DSCAM: variants seen among roughly 807,000 people sequenced by gnomAD.
The protein encoded by DSCAM is cell adhesion molecule DSCAM.
A neutral mutation model predicts 217.7 loss-of-function variants in DSCAM; 47 were observed. The observed-to-expected ratio is 0.22, with a 90% CI of 0.17 to 0.28. The LOEUF is 0.28. Among genes scored for constraint, DSCAM ranks in the 10% least tolerant of loss-of-function variants. The pLI, the probability that DSCAM is intolerant of heterozygous loss-of-function variation, is 1.00. For synonymous variants in DSCAM, 1,056 were observed against 1,015.3 expected, an observed-to-expected ratio of 1.04 and a Z score of -0.76; for missense variants, 2,080 against 2,618.3, an observed-to-expected ratio of 0.79 and a Z score of 4.49.
Position 40,107,611 on chromosome 21 carries a change from T to A in DSCAM, c.3697-13737A>T, listed in dbSNP as rs149414660. 7.8e-4 allele frequency among the ~76,000 whole-genome samples: 119 copies of A among 152,288 alleles called. 2 individuals carry two copies. The East Asian group carries it at 0.02, about 25-fold the overall frequency. On this transcript the variant is annotated intron_variant, in intron 20 of 32. Transcript: ENST00000400454. ...ATATTGTCAGTGGGGTGTTAAAGTC[T>A]CCCACTGTTATTGGGTGGGAGTCTA... is the stretch of plus-strand genomic sequence containing the variant.
intron 16 of DSCAM, among the ~76,000 whole-genome samples, chr21:40,159,620 C>T (rs1393164962): frequency 6.6e-6 from 1 of 152,162 alleles, no homozygotes; most frequent in Non-Finnish European, 1.5e-5. Context: ...CTTGCTCTGC[C>T]ACTCAGGCTA....
Position 40,044,112 on chromosome 21 carries a change from GCT to G in DSCAM, c.5347_5348del (p.Ser1783ArgfsTer70), listed in dbSNP as rs2088803836. 1 of 1,613,882 alleles carries G rather than the reference GCT, an allele frequency of 6.2e-7. No homozygotes were observed. Among genetic ancestry groups the G allele is most frequent in the Non-Finnish European group, 8.5e-7 (1 of 1,180,046 alleles). The part of the protein sequence containing the change: ...PRAAGSVDKE[S>X]DSYSVSPSQD... ...GCGAGGGGCTGACGCTGTAACTGTC[GCT>G]CTCTTTGTCTACTGATCCTGCAGCC... On this transcript the variant is annotated frameshift_variant, in exon 31 of 33. Transcript: ENST00000400454. LOFTEE classifies it high-confidence loss of function.
intron 15 of DSCAM, among the ~76,000 whole-genome samples, chr21:40,170,300 T>C (rs908047833): frequency 2.6e-5 from 4 of 152,218 alleles, no homozygotes; most frequent in African/African-American, 9.7e-5. Flanking sequence ...TGTCTTTGCA[T>C]GTCTCTGGTC....
chr21:40,406,733 G>A (rs992347887), intron 3 of DSCAM, among the ~76,000 whole-genome samples: 1 of 152,064 alleles, frequency 6.6e-6, no homozygotes, highest in African/African-American at 2.4e-5. Context: ...TGAGACTATA[G>A]GTGTGTGCCA....
At chr21:40,305,958 G>GT (rs1391920687) in intron 9 of DSCAM, among the ~76,000 whole-genome samples, 1 of 152,104 alleles carries the variant, frequency 6.6e-6, no homozygotes, top group Non-Finnish European at 1.5e-5. Flanking sequence ...CTTTAAAGTA[G>GT]TTTTTTCCAA....
intron 3 of DSCAM, among the ~76,000 whole-genome samples, chr21:40,550,107 T>C (rs1431059037): frequency 1.3e-5 from 2 of 151,870 alleles, no homozygotes; most frequent in Admixed American, 6.6e-5. Context: ...CAGCTAGTCA[T>C]TGGTATCTGG....
rs566096172 is a variant in DSCAM at position 40,193,996 on chromosome 21, T to A, written c.2357-4758A>T. On this transcript the variant is annotated intron_variant, in intron 11 of 32. Coordinates refer to ENST00000400454, the MANE Select transcript of DSCAM (RefSeq NM_001389.5). ...CTGTTCTCCAAAAACTGCAGCATTG[T>A]TTTGAGGACTTGTTTGTTTTCTTCT... Among the ~76,000 whole-genome samples, 7 of 152,300 alleles carry A rather than the reference T, an allele frequency of 4.6e-5. No homozygotes were observed. The South Asian group carries it at 1.0e-3, about 23-fold the overall frequency.
rs566409655 is a variant in DSCAM at position 40,495,480 on chromosome 21, A to G, written c.509-126235T>C. Among the ~76,000 whole-genome samples the G allele has an allele frequency of 5.9e-5, 9 of 152,342 alleles. No homozygotes were observed. The South Asian group carries it at 1.9e-3, about 32-fold the overall frequency. The stretch of plus-strand genomic sequence containing the variant: ...CAGAAAAGGCTTTTGAGAAAATTCA[A>G]AATTATTTCATGATAAAATTCTCAA... On this transcript the variant is annotated intron_variant, in intron 3 of 32. Coordinates refer to ENST00000400454, the MANE Select transcript of DSCAM (RefSeq NM_001389.5).
At chr21:40,788,040 G>T (rs556234253) in intron 1 of DSCAM, among the ~76,000 whole-genome samples, 1 of 152,342 alleles carries the variant, frequency 6.6e-6, no homozygotes, top group Non-Finnish European at 1.5e-5. Context: ...AGCTTGGACT[G>T]TCTGTGGAAC....
chr21:40,563,986 G>T (rs1242070175), intron 3 of DSCAM, among the ~76,000 whole-genome samples: 4 of 152,188 alleles, frequency 2.6e-5, no homozygotes, highest in African/African-American at 9.6e-5. Flanking sequence ...AGAGCTGTGA[G>T]CAAGGCCAGC....
chr21:40,156,595 G>A (rs1297332402), intron 16 of DSCAM, among the ~76,000 whole-genome samples: 1 of 152,160 alleles, frequency 6.6e-6, no homozygotes, highest in Non-Finnish European at 1.5e-5. Flanking sequence ...AAATATGGAA[G>A]CAACTTTGGA....
chr21:40,323,284 C>T (rs1486001476), intron 8 of DSCAM, among the ~76,000 whole-genome samples: 3 of 152,184 alleles, frequency 2.0e-5, no homozygotes, highest in Non-Finnish European at 4.4e-5. Flanking sequence ...TCCCGAAAAA[C>T]CCAACCACAA....
chr21:40,261,756 T>C (rs910980112), intron 11 of DSCAM, among the ~76,000 whole-genome samples: 1 of 152,068 alleles, frequency 6.6e-6, no homozygotes, highest in Admixed American at 6.6e-5. Context: ...TAAATAGCAC[T>C]ATCTCTCTAT....
At chr21:40,701,913 G>A (rs184390317) in intron 2 of DSCAM, among the ~76,000 whole-genome samples, 11 of 152,218 alleles carry the variant, frequency 7.2e-5, no homozygotes, top group Admixed American at 7.2e-4. Flanking sequence ...TTGTTGGATA[G>A]AATGTTCTTT....
Position 40,657,865 on chromosome 21 carries a change from A to G in DSCAM, c.508+34945T>C, listed in dbSNP as rs537602613. Reference sequence around the variant, plus strand: ...GAATGGAGAGTAAGGGACTGGAGTGAGACTAGAATTTTTTCTGTATGCTTT... The same window carrying G: ...GAATGGAGAGTAAGGGACTGGAGTGGGACTAGAATTTTTTCTGTATGCTTT... On this transcript the variant is annotated intron_variant, in intron 3 of 32. Transcript: ENST00000400454. Among the ~76,000 whole-genome samples, 3 of 152,314 alleles carry G rather than the reference A, an allele frequency of 2.0e-5. No homozygotes were observed. In the East Asian group the frequency reaches 5.8e-4, roughly 29 times the overall value.
intron 3 of DSCAM, among the ~76,000 whole-genome samples, chr21:40,636,037 A>AT (rs1404035817): frequency 6.6e-6 from 1 of 152,162 alleles, no homozygotes; most frequent in Non-Finnish European, 1.5e-5. Flanking sequence ...CTCTTAATAG[A>AT]TTTTTTTAAA....
At chr21:40,257,662 A>C (rs1476195628) in intron 11 of DSCAM, among the ~76,000 whole-genome samples, 1 of 152,158 alleles carries the variant, frequency 6.6e-6, no homozygotes, top group African/African-American at 2.4e-5. Flanking sequence ...AGTTGTGGAA[A>C]TAATTTTACA....
chr21:40,018,828 A>G (rs1449357366), intron 32 of DSCAM, among the ~76,000 whole-genome samples: 2 of 152,234 alleles, frequency 1.3e-5, no homozygotes, highest in Non-Finnish European at 2.9e-5. Context: ...TGCAATGCCT[A>G]CATGTATTTG....
At chr21:40,216,964 G>C (rs2091249363) in intron 11 of DSCAM, among the ~76,000 whole-genome samples, 1 of 152,200 alleles carries the variant, frequency 6.6e-6, no homozygotes, top group Non-Finnish European at 1.5e-5. Context: ...GGCTGTGTCT[G>C]AAAAACTGAA....
Sources: gnomAD v4.1 joint callset for allele counts (sites outside exome capture counted in the v4.1 genomes callset) on GRCh38, gnomAD v4.1.1 for gene constraint, MANE v1.5 for transcripts, NCBI Gene and HGNC (gene_info 2026-07-23, HGNC 2026-07-21) for gene names.